Variants in ARHGEF28 observed in about 807,000 individuals in gnomAD.
ARHGEF28 encodes the protein 190 kDa guanine nucleotide exchange factor.
In ARHGEF28, 152 loss-of-function variants were observed where a neutral mutation model predicts 206.6. The observed-to-expected ratio is 0.74, with a 90% CI of 0.64 to 0.84. The LOEUF (loss-of-function observed/expected upper bound fraction) is 0.84. Among genes scored for constraint, ARHGEF28 ranks in the 40% least tolerant of loss-of-function variants. The pLI, the probability that ARHGEF28 is intolerant of heterozygous loss-of-function variation, is 0.00. For missense variants in ARHGEF28, 2,028 were observed against 2,073.2 expected, an observed-to-expected ratio of 0.98 and a Z score of 0.42; for synonymous variants, 763 against 776.4, an observed-to-expected ratio of 0.98 and a Z score of 0.29.
intron 1 of ARHGEF28, among the ~76,000 whole-genome samples, chr5:73,670,367 T>A (rs879343997): frequency 6.6e-6 from 1 of 152,254 alleles, no homozygotes; most frequent in Non-Finnish European, 1.5e-5. Context: ...TTGCTCTGGT[T>A]TCTGTATTAT....
intron 25 of ARHGEF28, 188 bp from the exon 26 acceptor site, chr5:73,887,415 C>A (rs1297483666): frequency 1.8e-5 from 8 of 437,338 alleles, no homozygotes; most frequent in African/African-American, 1.4e-4. Flanking sequence ...CCTACAGCCA[C>A]ACACAAACAT....
Position 73,732,072 on chromosome 5 carries a change from C to T in ARHGEF28, c.34-17765C>T, listed in dbSNP as rs575957631. Among the ~76,000 whole-genome samples the T allele has an allele frequency of 4.2e-4, 63 of 148,494 alleles. 1 individual carries two copies. The highest frequency in any genetic ancestry group is 1.1e-3 in the African/African-American group (45 of 40,134). ...ACTAACATTGACACATCATCATCAT[C>T]GAAAATCTGTAGTTTACATTAGGGT... On this transcript the variant is annotated intron_variant, in intron 2 of 35. Coordinates refer to ENST00000513042, the MANE Select transcript of ARHGEF28 (RefSeq NM_001177693.2).
At chr5:73,935,009 A>G (rs1764339544) in intron 35 of ARHGEF28, among the ~76,000 whole-genome samples, 1 of 152,202 alleles carries the variant, frequency 6.6e-6, no homozygotes, top group African/African-American at 2.4e-5. Flanking sequence ...AGAGCATGAG[A>G]GTGAATCAAA....
At chr5:73,793,497 C>A (rs1212419247) in intron 7 of ARHGEF28, among the ~76,000 whole-genome samples, 8 of 152,278 alleles carry the variant, frequency 5.3e-5, no homozygotes, top group African/African-American at 7.2e-5. Flanking sequence ...AGGTAATGAA[C>A]CTGCTGGAAA....
intron 2 of ARHGEF28, among the ~76,000 whole-genome samples, chr5:73,737,479 TTTC>T (rs1751038119): frequency 8.6e-6 from 1 of 116,712 alleles, no homozygotes; most frequent in Non-Finnish European, 1.6e-5. Context: ...TTTCTTTTCT[TTTC>T]TTTTCTTTTC....
chr5:73,741,084 G>A (rs1328515618), intron 2 of ARHGEF28, among the ~76,000 whole-genome samples: 1 of 151,956 alleles, frequency 6.6e-6, no homozygotes, highest in Non-Finnish European at 1.5e-5. Flanking sequence ...TGCTTAAAGT[G>A]CCAGATACTT....
Position 73,871,205 on chromosome 5 carries a change from G to T in ARHGEF28, c.2566+996G>T, listed in dbSNP as rs116593417. 2.7e-3 allele frequency among the ~76,000 whole-genome samples: 415 copies of T among 152,214 alleles called. 2 individuals carry two copies. The highest frequency in any genetic ancestry group is 4.1e-3 in the Non-Finnish European group (279 of 68,014). ...GGGTTGAATTATTACATGGTCTTTT[G>T]TGTCAGAAAGGCTTGCATTCCAGGG... is the stretch of plus-strand genomic sequence containing the variant. On this transcript the variant is annotated intron_variant, in intron 21 of 35. Coordinates refer to ENST00000513042, the MANE Select transcript of ARHGEF28 (RefSeq NM_001177693.2).
intron 35 of ARHGEF28, among the ~76,000 whole-genome samples, chr5:73,912,784 T>C (rs1762977744): frequency 6.6e-6 from 1 of 152,246 alleles, no homozygotes. Flanking sequence ...ACAACTTTAC[T>C]ACAATAGAGA....
chr5:73,894,686 C>G, intron 29 of ARHGEF28, 111 bp downstream of exon 29: 1 of 1,273,608 alleles, frequency 7.9e-7, no homozygotes, highest in Admixed American at 2.8e-5. Context: ...CAGAACAAGA[C>G]AAGGTCCTTA....
chr5:73,855,913 T>C (rs1272307245), intron 14 of ARHGEF28, among the ~76,000 whole-genome samples: 1 of 152,158 alleles, frequency 6.6e-6, no homozygotes, highest in Admixed American at 6.5e-5. Context: ...TGCAATAGTT[T>C]AGTTGTGTTC....
At chr5:73,799,837 G>A (rs1311823929) in intron 9 of ARHGEF28, among the ~76,000 whole-genome samples, 1 of 152,148 alleles carries the variant, frequency 6.6e-6, no homozygotes, top group African/African-American at 2.4e-5. Context: ...CATGAGGATA[G>A]CACTGGCTGG....
intron 7 of ARHGEF28, among the ~76,000 whole-genome samples, chr5:73,789,789 A>G (rs767896317): frequency 4.6e-5 from 7 of 152,122 alleles, no homozygotes; most frequent in Non-Finnish European, 8.8e-5. Context: ...CAGCTCAGAT[A>G]GATGCTGCAC....
In ARHGEF28 at chr5:73,758,563, A is replaced by AT. The variant is rs10712825; in HGVS notation, c.475+5371dup. ...CCAAACCTGTTTATTTTTTATTTTT[A>AT]TTTTTTTTTTGAGACGAAGTCTCAC... is the stretch of plus-strand genomic sequence containing the variant. On this transcript the variant is annotated intron_variant, in intron 4 of 35. Coordinates refer to ENST00000513042, the MANE Select transcript of ARHGEF28 (RefSeq NM_001177693.2). Among the ~76,000 whole-genome samples, 433 of 150,348 alleles carry AT rather than the reference A, an allele frequency of 2.9e-3. 2 individuals are homozygous for AT. Among genetic ancestry groups the AT allele is most frequent in the Non-Finnish European group, 4.2e-3 (283 of 67,420 alleles).
intron 2 of ARHGEF28, among the ~76,000 whole-genome samples, chr5:73,723,464 G>A (rs1264671097): frequency 6.6e-6 from 1 of 152,164 alleles, no homozygotes; most frequent in Non-Finnish European, 1.5e-5. Context: ...GGGATTACAG[G>A]CGTGAGCCAC....
intron 35 of ARHGEF28, among the ~76,000 whole-genome samples, chr5:73,935,151 A>G (rs1764348135): frequency 1.3e-5 from 2 of 152,150 alleles, no homozygotes; most frequent in Non-Finnish European, 1.5e-5. Context: ...GACTATTCCA[A>G]ATATGTTAAG....
At chr5:73,895,626 A>G (rs1423881456) in intron 29 of ARHGEF28, among the ~76,000 whole-genome samples, 1 of 152,062 alleles carries the variant, frequency 6.6e-6, no homozygotes, top group Admixed American at 6.6e-5. Flanking sequence ...TGTACAGAAG[A>G]AGGGCTGGTA....
At chr5:73,703,647 T>TTGTGTG (rs56160198) in intron 2 of ARHGEF28, among the ~76,000 whole-genome samples, 5,684 of 139,670 alleles carry the variant, frequency 0.041, 362 homozygotes, top group African/African-American at 0.13. Context: ...TTTCCCAGCA[T>TTGTGTG]TGTGTGTGTG....
At chr5:73,680,635 C>A (rs1747024370) in intron 1 of ARHGEF28, among the ~76,000 whole-genome samples, 2 of 151,686 alleles carry the variant, frequency 1.3e-5, no homozygotes, top group African/African-American at 4.8e-5. Context: ...TGTAACGAGA[C>A]ACCACCTGTT....
chr5:73,664,585 A>T (rs2112198611), intron 1 of ARHGEF28, among the ~76,000 whole-genome samples: 1 of 152,322 alleles, frequency 6.6e-6, no homozygotes, highest in Non-Finnish European at 1.5e-5. Flanking sequence ...CTAGTATAAT[A>T]GAGTGCTCAA....
Sources: allele counts gnomAD v4.1 joint callset (sites outside exome capture counted in the v4.1 genomes callset), GRCh38; gene constraint gnomAD v4.1.1; transcripts MANE v1.5; gene names NCBI Gene and HGNC (gene_info 2026-07-23, HGNC 2026-07-21).